Variants in SETBP1 observed in about 807,000 individuals in gnomAD.
The protein encoded by SETBP1 is SET binding protein 1.
In SETBP1, 9 loss-of-function variants were observed where a neutral mutation model predicts 101.0. The observed-to-expected ratio is 0.09, with a 90% CI of 0.05 to 0.16. SETBP1 has a LOEUF of 0.16. Among genes scored for constraint, SETBP1 ranks in the 10% least tolerant of loss-of-function variants. The pLI, the probability that SETBP1 is intolerant of heterozygous loss-of-function variation, is 1.00. For missense variants in SETBP1, 1,858 were observed against 2,033.8 expected, an observed-to-expected ratio of 0.91 and a Z score of 1.66; for synonymous variants, 818 against 788.5, an observed-to-expected ratio of 1.04 and a Z score of -0.63.
At chr18:44,762,162 T>C (rs2070666386) in intron 2 of SETBP1, among the ~76,000 whole-genome samples, 1 of 151,804 alleles carries the variant, frequency 6.6e-6, no homozygotes, top group South Asian at 2.1e-4. Flanking sequence ...TTTTTCCTGC[T>C]TCAGGCTTTC....
At chr18:44,937,438 G>C (rs113133981) in intron 3 of SETBP1, among the ~76,000 whole-genome samples, 16,507 of 128,594 alleles carry the variant, frequency 0.13, 1,194 homozygotes, top group East Asian at 0.33. Context: ...CTGGGCGACA[G>C]AGCGAGACTC....
At chr18:45,006,661 T>C (rs2072734730) in intron 4 of SETBP1, among the ~76,000 whole-genome samples, 1 of 152,186 alleles carries the variant, frequency 6.6e-6, no homozygotes. Flanking sequence ...TTTCTCTTCT[T>C]ATAAGAACAA....
chr18:44,973,818 C>T (rs879351541), intron 4 of SETBP1, among the ~76,000 whole-genome samples: 6 of 152,060 alleles, frequency 3.9e-5, no homozygotes, highest in Non-Finnish European at 5.9e-5. Context: ...GGGGCAGACA[C>T]GCCACACAGA....
At chr18:44,790,000 A>G (rs979362169) in intron 2 of SETBP1, among the ~76,000 whole-genome samples, 2 of 152,134 alleles carry the variant, frequency 1.3e-5, no homozygotes, top group African/African-American at 4.8e-5. Flanking sequence ...ATTTACCCAG[A>G]TCTATTCTTT....
At chr18:44,997,293 A>G (rs1398758850) in intron 4 of SETBP1, among the ~76,000 whole-genome samples, 1 of 152,128 alleles carries the variant, frequency 6.6e-6, no homozygotes, top group Non-Finnish European at 1.5e-5. Flanking sequence ...GAAACCTGCC[A>G]TCTCGGGACT....
chr18:45,031,835 A>G (rs771512197), intron 4 of SETBP1, among the ~76,000 whole-genome samples: 4 of 152,220 alleles, frequency 2.6e-5, no homozygotes, highest in Admixed American at 6.5e-5. Flanking sequence ...TATGTTCAGG[A>G]TGGTGAGACG....
chr18:44,838,893 G>A (rs1286452365), intron 2 of SETBP1, among the ~76,000 whole-genome samples: 1 of 152,114 alleles, frequency 6.6e-6, no homozygotes, highest in African/African-American at 2.4e-5. Flanking sequence ...GTTGTGGCAT[G>A]CAGGAGCCAT....
At chr18:45,042,181 G>C (rs1224994605) in intron 5 of SETBP1, among the ~76,000 whole-genome samples, 1 of 110,072 alleles carries the variant, frequency 9.1e-6, no homozygotes, top group Non-Finnish European at 1.7e-5. Flanking sequence ...ATGGAGTCTT[G>C]CTCTGTCACT....
At chr18:44,698,565 A>G (rs888352386) in intron 1 of SETBP1, among the ~76,000 whole-genome samples, 3 of 152,064 alleles carry the variant, frequency 2.0e-5, no homozygotes, top group Non-Finnish European at 4.4e-5. Context: ...TTTCTCTGCT[A>G]CGTCTTCCTT....
intron 2 of SETBP1, among the ~76,000 whole-genome samples, chr18:44,747,102 A>T (rs1215335601): frequency 1.3e-5 from 2 of 152,192 alleles, no homozygotes. Flanking sequence ...CTGCATGTGA[A>T]TGGAGGTTCC....
intron 2 of SETBP1, among the ~76,000 whole-genome samples, chr18:44,844,251 C>A (rs1346763060): frequency 6.6e-6 from 1 of 152,016 alleles, no homozygotes; most frequent in African/African-American, 2.4e-5. Context: ...GGAATATCAG[C>A]CCCCTTCCCC....
chr18:44,904,965 TAGTGGTATACTCC>T (rs1407486499), intron 3 of SETBP1, among the ~76,000 whole-genome samples: 1 of 152,188 alleles, frequency 6.6e-6, no homozygotes, highest in Non-Finnish European at 1.5e-5. Context: ...AAATGTAATC[TAGTGGTATACTCC>T]AGAAAGAAAT....
intron 2 of SETBP1, among the ~76,000 whole-genome samples, chr18:44,781,938 A>C (rs974570994): frequency 1.3e-5 from 2 of 152,130 alleles, no homozygotes; most frequent in African/African-American, 4.8e-5. Context: ...ATCAAACACA[A>C]CTCTCACTAT....
intron 3 of SETBP1, among the ~76,000 whole-genome samples, chr18:44,927,047 G>T (rs1156451398): frequency 2.6e-5 from 4 of 152,134 alleles, no homozygotes. Context: ...GGAGACTGTG[G>T]CTCAAGTTCT....
At chr18:44,707,266 T>C (rs2069241574) in intron 2 of SETBP1, among the ~76,000 whole-genome samples, 1 of 152,220 alleles carries the variant, frequency 6.6e-6, no homozygotes, top group South Asian at 2.1e-4. Context: ...CTCATATAGC[T>C]GGGGTGGCAC....
intron 2 of SETBP1, among the ~76,000 whole-genome samples, chr18:44,774,024 A>C (rs1244250903): frequency 6.6e-6 from 1 of 152,176 alleles, no homozygotes; most frequent in Non-Finnish European, 1.5e-5. Context: ...AATCAGATTG[A>C]AAACAAAAGT....
intron 2 of SETBP1, among the ~76,000 whole-genome samples, chr18:44,816,773 A>G (rs886533849): frequency 6.6e-6 from 1 of 152,078 alleles, no homozygotes; most frequent in Non-Finnish European, 1.5e-5. Context: ...ATCCAGTTCT[A>G]ACAAAGAAGC....
At chr18:44,732,589 A>T (rs532962652) in intron 2 of SETBP1, 1 of 152,248 alleles carries the variant, frequency 6.6e-6, no homozygotes, top group Non-Finnish European at 1.5e-5. Context: ...TGCCCTATTT[A>T]GCCCTCAATG....
intron 3 of SETBP1, among the ~76,000 whole-genome samples, chr18:44,894,165 C>T (rs566136843): frequency 6.6e-6 from 1 of 152,158 alleles, no homozygotes; most frequent in Non-Finnish European, 1.5e-5. Context: ...TAACTCATCA[C>T]CTCAAGCAGG....
Sources: allele counts gnomAD v4.1 joint callset (sites outside exome capture counted in the v4.1 genomes callset), GRCh38; gene constraint gnomAD v4.1.1; transcripts MANE v1.5; gene names NCBI Gene and HGNC (gene_info 2026-07-23, HGNC 2026-07-21).